LAMA2: variants seen among roughly 807,000 people sequenced by gnomAD.
LAMA2 encodes laminin subunit alpha 2, also known as laminin subunit alpha-2.
LAMA2 carries 269 observed loss-of-function variants against 364.8 expected under a neutral mutation model. That is an observed-to-expected ratio of 0.74 (90% CI 0.67 to 0.82). The LOEUF (loss-of-function observed/expected upper bound fraction) is 0.82. Ranked by LOEUF, LAMA2 falls within the 40% of genes least tolerant of loss-of-function variation. The pLI, the probability that LAMA2 is intolerant of heterozygous loss-of-function variation, is 0.00. For missense variants in LAMA2, 3,807 were observed against 3,873.2 expected, an observed-to-expected ratio of 0.98 and a Z score of 0.45; for synonymous variants, 1,379 against 1,370.6, an observed-to-expected ratio of 1.01 and a Z score of -0.14.
chr6:129,467,772 C>T (rs1783620072), intron 51 of LAMA2, among the ~76,000 whole-genome samples: 1 of 151,820 alleles, frequency 6.6e-6, no homozygotes. Context: ...CAATATTAGT[C>T]AAAGGTCAAG....
intron 9 of LAMA2, among the ~76,000 whole-genome samples, chr6:129,174,112 T>C (rs888699402): frequency 6.6e-6 from 1 of 152,040 alleles, no homozygotes; most frequent in Admixed American, 6.6e-5. Flanking sequence ...AACCCATGAT[T>C]ATTATATATT....
chr6:129,324,464 A>G (rs1057119981), intron 28 of LAMA2, among the ~76,000 whole-genome samples: 4 of 152,216 alleles, frequency 2.6e-5, no homozygotes, highest in Non-Finnish European at 5.9e-5. Flanking sequence ...TTCAAACCTC[A>G]ATGAATCTGT....
chr6:128,981,579 CAAAAAAAAAA>C (rs145266584), intron 1 of LAMA2, among the ~76,000 whole-genome samples: 17 of 119,476 alleles, frequency 1.4e-4, no homozygotes, highest in South Asian at 2.9e-4. Context: ...CCATCTCTAC[CAAAAAAAAAA>C]AAAAAAAAAA....
intron 1 of LAMA2, among the ~76,000 whole-genome samples, chr6:128,908,505 G>A (rs1472268612): frequency 1.3e-4 from 19 of 146,496 alleles, no homozygotes; most frequent in African/African-American, 2.5e-4. Flanking sequence ...TTTTTATTGC[G>A]TCTATTTGAT....
intron 4 of LAMA2, among the ~76,000 whole-genome samples, chr6:129,110,973 A>C (rs1209778379): frequency 6.6e-6 from 1 of 152,066 alleles, no homozygotes; most frequent in Non-Finnish European, 1.5e-5. Flanking sequence ...ACACTTGAAA[A>C]TACAACAAAG....
Position 129,139,387 on chromosome 6 carries a change from CT to C in LAMA2, c.640-4508del, listed in dbSNP as rs573944484. On this transcript the variant is annotated intron_variant, in intron 4 of 64. Coordinates refer to ENST00000421865, the MANE Select transcript of LAMA2 (RefSeq NM_000426.4). ...TGCATCTGTACCGAACATGTGCAGA[CT>C]TTTTTCTTGTCATTATTCCCTAAAT... is the stretch of plus-strand genomic sequence containing the variant. Among the ~76,000 whole-genome samples, 55 of 152,124 alleles carry C rather than the reference CT, an allele frequency of 3.6e-4. No homozygotes were observed. The South Asian group carries it at 3.9e-3, about 11-fold the overall frequency.
rs1438552804 is a variant in LAMA2, at chr6:129,200,336, ACACG to A, written c.1782+7484_1782+7487del. 1.7e-3 allele frequency among the ~76,000 whole-genome samples: 219 copies of A among 125,866 alleles called. 2 individuals are homozygous for A. The highest frequency in any genetic ancestry group is 7.3e-3 in the African/African-American group (208 of 28,330). 82.6% of individuals were successfully genotyped at this position (125,866 alleles called of 152,430 possible). On this transcript the variant is annotated intron_variant, in intron 12 of 64. Coordinates refer to ENST00000421865, the MANE Select transcript of LAMA2 (RefSeq NM_000426.4). ...TATATACGTGTACACATATACATAT[ACACG>A]TATATGTGTACACATATACATATAC...
chr6:129,233,650 G>T (rs902185343), intron 12 of LAMA2, among the ~76,000 whole-genome samples: 1 of 152,088 alleles, frequency 6.6e-6, no homozygotes, highest in African/African-American at 2.4e-5. Flanking sequence ...GCTGTCTCAG[G>T]GGAGGCAGAG....
chr6:129,466,204 G>A (rs574522467), intron 51 of LAMA2, among the ~76,000 whole-genome samples: 2 of 151,844 alleles, frequency 1.3e-5, no homozygotes, highest in South Asian at 2.1e-4. Context: ...AACTTGCATC[G>A]AACTGGGGAG....
chr6:129,176,039 T>A lies in LAMA2; in HGVS notation c.1307-1667T>A, dbSNP rs562133307. ...AATTAAATTTTAATTTATCTATTTT[T>A]AAAATAATGGACTATTTAAGCCTAT... On this transcript the variant is annotated intron_variant, in intron 9 of 64. Transcript: ENST00000421865. Among the ~76,000 whole-genome samples the A allele has an allele frequency of 3.3e-5, 5 of 152,126 alleles. No individual in the cohort carries two copies. The East Asian group carries it at 9.6e-4, about 29-fold the overall frequency.
chr6:129,021,514 C>T lies in LAMA2; in HGVS notation c.113-28404C>T, dbSNP rs541780624. Reference sequence around the variant, plus strand: ...GTAAAAATGTTCAAAAGCTAAGAAGCTCTCATGTTATTTTTCTTCAATTTG... The same window carrying T: ...GTAAAAATGTTCAAAAGCTAAGAAGTTCTCATGTTATTTTTCTTCAATTTG... On this transcript the variant is annotated intron_variant, in intron 1 of 64. Transcript: ENST00000421865. 7.2e-5 allele frequency among the ~76,000 whole-genome samples: 11 copies of T among 152,208 alleles called. No homozygotes were observed. The South Asian group carries it at 2.3e-3, about 32-fold the overall frequency.
At chr6:129,145,280 A>G (rs1778369079) in intron 5 of LAMA2, among the ~76,000 whole-genome samples, 1 of 151,974 alleles carries the variant, frequency 6.6e-6, no homozygotes, top group Non-Finnish European at 1.5e-5. Flanking sequence ...CAACCTCTCC[A>G]TCATCACAAG....
chr6:128,960,360 C>CA (rs1781404545), intron 1 of LAMA2, among the ~76,000 whole-genome samples: 1 of 118,770 alleles, frequency 8.4e-6, no homozygotes, highest in Admixed American at 1.1e-4. Flanking sequence ...TTTTTTGAGA[C>CA]AAAGTCTCGC....
intron 1 of LAMA2, among the ~76,000 whole-genome samples, chr6:129,005,048 T>C (rs1326178001): frequency 1.3e-5 from 2 of 152,116 alleles, no homozygotes; most frequent in East Asian, 3.9e-4. Context: ...AGAAAAAACA[T>C]GCTGGAAAGA....
At chr6:129,072,826 A>T (rs922798348) in intron 3 of LAMA2, among the ~76,000 whole-genome samples, 16 of 152,050 alleles carry the variant, frequency 1.1e-4, no homozygotes, top group Admixed American at 1.0e-3. Flanking sequence ...ATCAGATTTA[A>T]TTCTATAGTT....
At chr6:129,211,702 T>C (rs1783110512) in intron 12 of LAMA2, among the ~76,000 whole-genome samples, 1 of 152,214 alleles carries the variant, frequency 6.6e-6, no homozygotes, top group Non-Finnish European at 1.5e-5. Flanking sequence ...CATTTAAGCA[T>C]TGAATTCTAT....
chr6:129,347,704 C>A (rs957546489), intron 30 of LAMA2, among the ~76,000 whole-genome samples: 1 of 151,968 alleles, frequency 6.6e-6, no homozygotes, highest in African/African-American at 2.4e-5. Flanking sequence ...GCCCTGCAGA[C>A]AAAATGATAA....
intron 32 of LAMA2, among the ~76,000 whole-genome samples, chr6:129,361,698 T>C (rs1411740797): frequency 2.0e-5 from 3 of 152,186 alleles, no homozygotes; most frequent in Non-Finnish European, 4.4e-5. Flanking sequence ...TCAGAGTATG[T>C]TGCAAAGCTA....
chr6:129,441,292 G>A (rs776919131), intron 43 of LAMA2, among the ~76,000 whole-genome samples: 4 of 152,146 alleles, frequency 2.6e-5, no homozygotes, highest in African/African-American at 4.8e-5. Context: ...TTTTTAATCC[G>A]TGTGTGTAAT....
Sources: allele counts gnomAD v4.1 joint callset (sites outside exome capture counted in the v4.1 genomes callset), GRCh38; gene constraint gnomAD v4.1.1; transcripts MANE v1.5; gene names NCBI Gene and HGNC (gene_info 2026-07-23, HGNC 2026-07-21).